The following L1TD1 variants were observed in gnomAD, a reference collection of about 807,000 sequenced individuals.
The protein encoded by L1TD1 is LINE1 type transposase domain containing 1, also known as LINE-1 type transposase domain-containing protein 1.
Under a neutral mutation model 25.7 loss-of-function variants are expected in L1TD1, and 26 were observed. The ratio of observed to expected loss-of-function variants is 1.01; its 90% CI spans 0.74 to 1.40. The LOEUF is 1.40. Ranked by LOEUF, L1TD1 falls within the 40% of genes most tolerant of loss-of-function variation. The pLI is 0.00. For synonymous variants in L1TD1, 421 were observed against 335.6 expected, an observed-to-expected ratio of 1.25 and a Z score of -2.78; for missense variants, 1,130 against 975.0, an observed-to-expected ratio of 1.16 and a Z score of -2.12.
In L1TD1 at chr1:62,206,584, C is replaced by A; in HGVS notation, c.-45C>A. On this transcript the variant is annotated 5_prime_UTR_variant, in exon 3 of 4. The change creates a new upstream start codon in the 5' untranslated region. Transcript: ENST00000498273. ...CAGGCCTGTAAGAACAAAAATCATT[C>A]TGTAGGAATTAAAAACAGAATCCAG... The A allele has an allele frequency of 7.1e-7, 1 of 1,400,700 alleles. No homozygotes were observed. The highest frequency in any genetic ancestry group is 9.3e-7 in the Non-Finnish European group (1 of 1,074,458). 86.8% of individuals were successfully genotyped at this position (1,400,700 alleles called of 1,614,324 possible). A position where few individuals can be genotyped will look rare whatever the true frequency, so the allele number is the denominator to read the frequency against.
intron 2 of L1TD1, among the ~76,000 whole-genome samples, chr1:62,203,439 T>G (rs933321919): frequency 6.6e-6 from 1 of 152,092 alleles, no homozygotes; most frequent in African/African-American, 2.4e-5. Flanking sequence ...CTTTTTTTTT[T>G]GAGACAGGGT....
chr1:62,205,838 C>G (rs1015277814), intron 2 of L1TD1, among the ~76,000 whole-genome samples: 9 of 152,086 alleles, frequency 5.9e-5, no homozygotes, highest in African/African-American at 1.9e-4. Context: ...CTCAAGTCAT[C>G]CTTGCATCTG....
At chr1:62,199,936 CTT>C (rs1033971757) in intron 2 of L1TD1, among the ~76,000 whole-genome samples, 3 of 152,218 alleles carry the variant, frequency 2.0e-5, no homozygotes, top group African/African-American at 7.2e-5. Flanking sequence ...CTAATATAAT[CTT>C]TTTGTGTTTA....
intron 2 of L1TD1, among the ~76,000 whole-genome samples, chr1:62,198,250 T>G (rs935103546): frequency 1.3e-5 from 2 of 151,894 alleles, no homozygotes; most frequent in African/African-American, 4.8e-5. Flanking sequence ...AGAGGATCAC[T>G]TGGTCCCTGG....
At chr1:62,196,115 C>A (rs1226024523) in intron 1 of L1TD1, among the ~76,000 whole-genome samples, 2 of 152,110 alleles carry the variant, frequency 1.3e-5, no homozygotes, top group South Asian at 4.1e-4. Flanking sequence ...TCTTCAATTT[C>A]CTCCGATTGT....
Position 62,207,333 on chromosome 1 carries a change from G to A in L1TD1, c.705G>A (p.Val235=), listed in dbSNP as rs562376868. ...TAAAAGCCTCCAGAGAAGAAAAAGT[G>A]TTGATGGATGAAGGAGCAGTACTTA... The part of the protein sequence containing the change: ...EVLKASREEK[V]LMDEGAVLTL... Residue 235 remains valine, a synonymous_variant, in exon 3 of 4, where the codon GTG becomes GTA. Transcript: ENST00000498273. The A allele has an allele frequency of 2.6e-6, 4 of 1,551,328 alleles. No homozygotes were observed. Among genetic ancestry groups the A allele is most frequent in the South Asian group, 2.4e-5 (2 of 84,018 alleles).
chr1:62,198,662 A>G (rs1196713214), intron 2 of L1TD1, among the ~76,000 whole-genome samples: 1 of 152,120 alleles, frequency 6.6e-6, no homozygotes. Context: ...GCTTTTTTCC[A>G]TCCCTAAAAT....
intron 2 of L1TD1, among the ~76,000 whole-genome samples, chr1:62,201,213 G>A (rs1670633136): frequency 6.6e-6 from 1 of 152,100 alleles, no homozygotes; most frequent in Non-Finnish European, 1.5e-5. Context: ...ACAGGCATAA[G>A]CCACTGCAAC....
rs1447667211 is a variant in L1TD1, at chr1:62,205,441, A to ATTTTTTTTTTTTTTTTT, written c.-110-1077_-110-1076insTTTTTTTTTTTTTTTTT. On this transcript the variant is annotated intron_variant, in intron 2 of 3. Coordinates refer to ENST00000498273, the MANE Select transcript of L1TD1 (RefSeq NM_019079.5). ...TCTATATATATATATATATATATAT[A>ATTTTTTTTTTTTTTTTT]TATTTTTTTTTAGACAGTCTTGCTG... Among the ~76,000 whole-genome samples the ATTTTTTTTTTTTTTTTT allele has an allele frequency of 3.2e-3, 170 of 53,778 alleles. 10 individuals are homozygous for ATTTTTTTTTTTTTTTTT. The highest frequency in any genetic ancestry group is 4.2e-3 in the South Asian group (6 of 1,430). 35.3% of individuals were successfully genotyped at this position (53,778 alleles called of 152,430 possible).
chr1:62,195,449 T>A (rs765694459), intron 1 of L1TD1, among the ~76,000 whole-genome samples: 37 of 152,258 alleles, frequency 2.4e-4, no homozygotes, highest in Non-Finnish European at 4.7e-4. Context: ...TGACAAGTCC[T>A]AGCTTTAGAA....
intron 2 of L1TD1, among the ~76,000 whole-genome samples, chr1:62,197,489 C>G (rs1670567417): frequency 6.8e-6 from 1 of 147,618 alleles, no homozygotes; most frequent in South Asian, 2.2e-4. Context: ...TCATATATTC[C>G]AAATTTTTTA....
intron 1 of L1TD1, among the ~76,000 whole-genome samples, chr1:62,195,755 A>T (rs72921830): frequency 0.03 from 4,576 of 150,164 alleles, 92 homozygotes; most frequent in South Asian, 0.049. Context: ...TGTCTCAAAT[A>T]AAAAAAGATG....
chr1:62,203,418 CA>C (rs759767707), intron 2 of L1TD1, among the ~76,000 whole-genome samples: 5 of 152,022 alleles, frequency 3.3e-5, no homozygotes, highest in African/African-American at 7.2e-5. Flanking sequence ...TGGTAACTAT[CA>C]TTCTACTCTC....
Position 62,196,464 on chromosome 1 carries a change from A to G in L1TD1, c.-175A>G, listed in dbSNP as rs1464597819. ...CAAGGCACAGCTTAGAGTAGACCCG[A>G]GTCCTGCTCTGCGGAGTTCGTCTTC... On this transcript the variant is annotated 5_prime_UTR_variant, in exon 2 of 4. Coordinates refer to ENST00000498273, the MANE Select transcript of L1TD1 (RefSeq NM_019079.5). 1 of 152,146 alleles carries G rather than the reference A, an allele frequency of 6.6e-6. No homozygotes were observed. Among genetic ancestry groups the G allele is most frequent in the East Asian group, 1.9e-4 (1 of 5,184 alleles). The allele number at this position is 152,146 out of a possible 1,614,324, so 9.4% of individuals were successfully genotyped here. A position where few individuals can be genotyped will look rare whatever the true frequency, so the allele number is the denominator to read the frequency against.
chr1:62,201,436 A>G (rs1193787096), intron 2 of L1TD1, among the ~76,000 whole-genome samples: 2 of 150,424 alleles, frequency 1.3e-5, no homozygotes, highest in South Asian at 2.1e-4. Flanking sequence ...TAGAAGCATT[A>G]TCAGGCTAGA....
chr1:62,203,864 T>C (rs1670687820), intron 2 of L1TD1, among the ~76,000 whole-genome samples: 1 of 152,146 alleles, frequency 6.6e-6, no homozygotes, highest in Non-Finnish European at 1.5e-5. Context: ...GGATTACAGG[T>C]GTAAGCCACC....
At position 62,198,084 on chromosome 1, in the gene L1TD1, A is replaced by G. The variant is rs183077217; in HGVS notation, c.-111+1556A>G. On this transcript the variant is annotated intron_variant, in intron 2 of 3. Coordinates refer to ENST00000498273, the MANE Select transcript of L1TD1 (RefSeq NM_019079.5). Reference sequence around the variant, plus strand: ...TTAAAAGTATAAAGCTATTAAAAAAAAGTAAATGTCCCCATACCCAAGGAG... The same window carrying G: ...TTAAAAGTATAAAGCTATTAAAAAAGAGTAAATGTCCCCATACCCAAGGAG... Among the ~76,000 whole-genome samples, 117 of 152,294 alleles carry G rather than the reference A, an allele frequency of 7.7e-4. 4 individuals are homozygous for G. In the East Asian group the frequency reaches 0.019, roughly 25 times the overall value.
chr1:62,197,287 T>C (rs1265967057), intron 2 of L1TD1, among the ~76,000 whole-genome samples: 1 of 151,158 alleles, frequency 6.6e-6, no homozygotes, highest in Non-Finnish European at 1.5e-5. Context: ...CGTGGGAGGC[T>C]GAGGCAGGAG....
intron 2 of L1TD1, among the ~76,000 whole-genome samples, chr1:62,206,129 T>C (rs1670740574): frequency 6.6e-6 from 1 of 152,228 alleles, no homozygotes. Context: ...TTCTCAATTT[T>C]GCGTAAGATT....
Sources: allele counts gnomAD v4.1 joint callset (sites outside exome capture counted in the v4.1 genomes callset), GRCh38; gene constraint gnomAD v4.1.1; transcripts MANE v1.5; gene names NCBI Gene and HGNC (gene_info 2026-07-23, HGNC 2026-07-21).